Variants in IDI1 observed in about 807,000 individuals in gnomAD.
IDI1 encodes the protein isopentenyl-diphosphate Delta-isomerase 1.
IDI1 carries 23 observed loss-of-function variants against 32.9 expected under a neutral mutation model. The observed-to-expected ratio is 0.70, with a 90% CI of 0.50 to 0.99. The LOEUF (loss-of-function observed/expected upper bound fraction) is 0.99. Ranked by LOEUF, IDI1 falls within the 50% of genes least tolerant of loss-of-function variation. The pLI is 0.00. For synonymous variants in IDI1, 133 were observed against 128.2 expected (o/e 1.04, Z -0.25); for missense variants, 326 against 351.9 (o/e 0.93, Z 0.59).
At chr10:1,050,854 G>A (rs1006629557), upstream of IDI1, among the ~76,000 whole-genome samples, 1 of 152,242 alleles carries the variant, frequency 6.6e-6, no homozygotes, top group Non-Finnish European at 1.5e-5. Flanking sequence ...GCCCCTGGCT[G>A]GGAGTCTTTT....
Position 1,048,095 on chromosome 10 carries a change from C to G in IDI1, c.140+769G>C, listed in dbSNP as rs372140564. On this transcript the variant is annotated intron_variant, in intron 1 of 4. Coordinates refer to ENST00000381344, the MANE Select transcript of IDI1 (RefSeq NM_004508.4). ...GGAGTGCAGTGGCGCGATCTCGGCT[C>G]ACTGCAGCCTTCGACTCCGCCTCCC... Among the ~76,000 whole-genome samples, 198 of 152,206 alleles carry G rather than the reference C, an allele frequency of 1.3e-3. 1 individual carries two copies. Among genetic ancestry groups the G allele is most frequent in the African/African-American group, 4.7e-3 (195 of 41,514 alleles).
intron 1 of IDI1, among the ~76,000 whole-genome samples, 181 bp from the exon 2 acceptor site, chr10:1,044,352 A>T (rs182879533): frequency 6.6e-6 from 1 of 152,274 alleles, no homozygotes; most frequent in Admixed American, 6.5e-5. Flanking sequence ...TTTCTCCTAC[A>T]GGTTTCACAG....
upstream of IDI1, chr10:1,049,288 C>T (rs187851069): frequency 1.1e-3 from 495 of 460,990 alleles, 5 homozygotes; most frequent in African/African-American, 9.2e-3. Context: ...CGGTGCCTAA[C>T]GTCAGACGTC....
chr10:1,055,411 C>A, the IDI1 span, among the ~76,000 whole-genome samples: 1 of 152,046 alleles, frequency 6.6e-6, no homozygotes, highest in African/African-American at 2.4e-5. Context: ...ATTACATTAG[C>A]GATATTCTTG....
In IDI1 at chr10:1,048,803, C is replaced by T. The variant is rs1412944216; in HGVS notation, c.140+61G>A. The T allele has an allele frequency of 3.2e-6, 5 of 1,571,266 alleles. No individual in the cohort carries two copies. In the African/African-American group the frequency reaches 5.5e-5, roughly 17 times the overall value. On this transcript the variant is annotated intron_variant, in intron 1 of 4. Transcript: ENST00000381344. ...CCTCGGGCCTCCTCCCCGCCCCGTC[C>T]CGCAGCTCCCCGATGCCGCCCTGCC...
At chr10:1,055,696 T>C in the IDI1 span, among the ~76,000 whole-genome samples, 1 of 147,386 alleles carries the variant, frequency 6.8e-6, no homozygotes, top group Non-Finnish European at 1.5e-5. Context: ...ATATACTTAA[T>C]GCAGAAATAA....
chr10:1,048,419 GCGTCA>G, intron 1 of IDI1: 1 of 1,297,084 alleles, frequency 7.7e-7, no homozygotes, highest in Non-Finnish European at 1.0e-6. Context: ...GTATGCACCC[GCGTCA>G]CACGCGTGGA....
At chr10:1,048,818 G>A in intron 1 of IDI1, 46 bp downstream of exon 1, 1 of 1,588,908 alleles carries the variant, frequency 6.3e-7, no homozygotes, top group Non-Finnish European at 8.5e-7. Flanking sequence ...GCTCCCCGAT[G>A]CCGCCCTGCC....
chr10:1,039,235 G>A, downstream of IDI1: 1 of 155,204 alleles, frequency 6.4e-6, no homozygotes, highest in Non-Finnish European at 1.4e-5. Context: ...CCACAGGGAT[G>A]CACTGCGGGT....
At chr10:1,054,301 TATATACACAC>T in the IDI1 span, among the ~76,000 whole-genome samples, 1 of 152,224 alleles carries the variant, frequency 6.6e-6, no homozygotes, top group African/African-American at 2.4e-5. Flanking sequence ...TTACATGACA[TATATACACAC>T]ATATATATAA....
In IDI1 at chr10:1,049,040, A is replaced by G; in HGVS notation, c.-37T>C. On this transcript the variant is annotated 5_prime_UTR_variant, in exon 1 of 5. Coordinates refer to ENST00000381344, the MANE Select transcript of IDI1 (RefSeq NM_004508.4). Reference sequence around the variant, plus strand: ...TTGGCGCCCGTACGCGCTTGACGACACAATCTCGCCAAGCTTCGCCTGGTG... The same window carrying G: ...TTGGCGCCCGTACGCGCTTGACGACGCAATCTCGCCAAGCTTCGCCTGGTG... 1 of 1,459,264 alleles carries G rather than the reference A, an allele frequency of 6.9e-7. No individual in the cohort carries two copies. The highest frequency in any genetic ancestry group is 9.0e-7 in the Non-Finnish European group (1 of 1,114,700). 90.4% of individuals were successfully genotyped at this position (1,459,264 alleles called of 1,614,324 possible).
At chr10:1,054,893 G>A in the IDI1 span, among the ~76,000 whole-genome samples, 1 of 152,340 alleles carries the variant, frequency 6.6e-6, no homozygotes, top group African/African-American at 2.4e-5. Context: ...AACGCTAAGT[G>A]TGCAGACAGA....
At chr10:1,041,946 C>T (rs1038569054) in intron 4 of IDI1, among the ~76,000 whole-genome samples, 1 of 151,838 alleles carries the variant, frequency 6.6e-6, no homozygotes, top group Non-Finnish European at 1.5e-5. Flanking sequence ...GCTGGGATTA[C>T]AGACGTGCCG....
chr10:1,054,657 T>G, the IDI1 span, among the ~76,000 whole-genome samples: 1 of 152,360 alleles, frequency 6.6e-6, no homozygotes, highest in South Asian at 2.1e-4. Context: ...TCGGCTAGTT[T>G]TGTGTCTTTT....
chr10:1,051,380 G>T (rs1187801043), upstream of IDI1, among the ~76,000 whole-genome samples: 1 of 152,182 alleles, frequency 6.6e-6, no homozygotes, highest in Non-Finnish European at 1.5e-5. Context: ...AACAAGTACT[G>T]AGAATTATGT....
chr10:1,053,793 G>C (rs1189240578), upstream of IDI1, among the ~76,000 whole-genome samples: 1 of 150,924 alleles, frequency 6.6e-6, no homozygotes, highest in Non-Finnish European at 1.5e-5. Flanking sequence ...GCAGTGGCGT[G>C]ATCACAGCTC....
Position 1,040,857 on chromosome 10 carries a change from A to AAC in IDI1, c.*328_*329dup, listed in dbSNP as rs11474774. On this transcript the variant is annotated 3_prime_UTR_variant, in exon 5 of 5. Transcript: ENST00000381344. ...GAAATGTTTATCACAGCCTACTAAA[A>AAC]ACAGAGTTTCACTCATTTGTTCAAA... 0.9 allele frequency: 175,106 copies of AAC among 195,250 alleles called. 78,765 individuals are homozygous for AAC. The highest frequency in any genetic ancestry group is 0.91 in the Non-Finnish European group (86,662 of 95,592). The allele number at this position is 195,250 out of a possible 1,614,324, so 12.1% of individuals were successfully genotyped here.
At chr10:1,050,969 T>C (rs1832995310), upstream of IDI1, among the ~76,000 whole-genome samples, 1 of 152,254 alleles carries the variant, frequency 6.6e-6, no homozygotes, top group Non-Finnish European at 1.5e-5. Context: ...TTATTCTTTT[T>C]CGATACTACT....
rs1832720266 is a variant in IDI1, at chr10:1,044,055, T to C, written c.257A>G (p.Asn86Ser). The change falls in exon 2 of 5, where the codon AAT becomes AGT. Residue 86 changes from asparagine to serine, a missense_variant. Physicochemically the swap from Asn to Ser is conservative, Grantham distance 46. Coordinates refer to ENST00000381344, the MANE Select transcript of IDI1 (RefSeq NM_004508.4). ...CTTCTTGGTCTCAGCTCCAATTTTA[T>C]TGTCATTTTCATCAATAAGGATACA... The part of the protein sequence containing the change: ...EMCILIDEND[N>S]KIGAETKKNC... The C allele has an allele frequency of 1.2e-6, 2 of 1,613,660 alleles. No individual in the cohort carries two copies. The highest frequency in any genetic ancestry group is 1.7e-6 in the Non-Finnish European group (2 of 1,179,800).
Sources: gnomAD v4.1 joint callset for allele counts (sites outside exome capture counted in the v4.1 genomes callset) on GRCh38, gnomAD v4.1.1 for gene constraint, MANE v1.5 for transcripts, NCBI Gene and HGNC (gene_info 2026-07-23, HGNC 2026-07-21) for gene names.